The following SLC5A7 variants were observed in gnomAD, a reference collection of about 807,000 sequenced individuals.
The protein encoded by SLC5A7 is solute carrier family 5 member 7.
In SLC5A7, 19 loss-of-function variants were observed where a neutral mutation model predicts 55.4. The observed-to-expected ratio is 0.34, with a 90% CI of 0.24 to 0.50. The LOEUF is 0.50. SLC5A7 is among the 20% of genes least tolerant of loss of function. The pLI is 0.98. For missense variants in SLC5A7, 506 were observed against 705.3 expected (o/e 0.72, Z 3.20); for synonymous variants, 265 against 263.7 (o/e 1.00, Z -0.05).
At chr2:108,005,070 C>T (rs879793256) in intron 6 of SLC5A7, among the ~76,000 whole-genome samples, 10 of 152,136 alleles carry the variant, frequency 6.6e-5, no homozygotes, top group Admixed American at 3.3e-4. Context: ...TCTGTACTAA[C>T]GTATGATGTA....
intron 1 of SLC5A7, among the ~76,000 whole-genome samples, chr2:107,987,242 G>A (rs1225350182): frequency 6.6e-6 from 1 of 152,144 alleles, no homozygotes; most frequent in East Asian, 1.9e-4. Flanking sequence ...AAAAATAAAA[G>A]GGGACAAGAA....
rs1182720115 is a variant in SLC5A7, at chr2:108,012,532, G to A, written c.*1671G>A. ...TCATTAAACATGAATTTAATGTCTA[G>A]GATAATTTTTAAAAGAGGAAATTAA... On this transcript the variant is annotated 3_prime_UTR_variant, in exon 9 of 9. Transcript: ENST00000264047. The A allele has an allele frequency of 6.6e-6, 1 of 151,882 alleles. No individual in the cohort carries two copies. The highest frequency in any genetic ancestry group is 2.4e-5 in the African/African-American group (1 of 41,348). The allele number at this position is 151,882 out of a possible 1,614,324, so 9.4% of individuals were successfully genotyped here.
intron 1 of SLC5A7, 73 bp downstream of exon 1, chr2:107,986,836 C>A (rs985624141): frequency 6.6e-6 from 1 of 151,962 alleles, no homozygotes; most frequent in African/African-American, 2.4e-5. Context: ...CGAGCCCGGG[C>A]GGTTTTAGAG....
At chr2:107,993,186 C>T in intron 4 of SLC5A7, 59 bp downstream of exon 4, 1 of 1,586,640 alleles carries the variant, frequency 6.3e-7, no homozygotes, top group Non-Finnish European at 8.6e-7. Flanking sequence ...ATCAGATACA[C>T]AACCTTACTT....
rs1684080 is a variant in SLC5A7, at chr2:108,003,340, T to G, written c.741+1300T>G. 8.3e-3 allele frequency among the ~76,000 whole-genome samples: 1,259 copies of G among 152,346 alleles called. 20 individuals are homozygous for G. The highest frequency in any genetic ancestry group is 0.029 in the African/African-American group (1,212 of 41,578). ...ATTAAGACCTCAAAGTCCTTTCCCC[T>G]ACAGCACACTTTAGTCTTCAGACTA... On this transcript the variant is annotated intron_variant, in intron 6 of 8. Coordinates refer to ENST00000264047, the MANE Select transcript of SLC5A7 (RefSeq NM_021815.5).
chr2:107,993,881 C>A (rs539703652), intron 4 of SLC5A7, among the ~76,000 whole-genome samples: 10 of 152,300 alleles, frequency 6.6e-5, no homozygotes, highest in African/African-American at 1.2e-4. Context: ...AAACTACAAA[C>A]TTGAAATATT....
At chr2:108,004,952 C>T (rs1357973732) in intron 6 of SLC5A7, among the ~76,000 whole-genome samples, 1 of 152,138 alleles carries the variant, frequency 6.6e-6, no homozygotes, top group African/African-American at 2.4e-5. Context: ...CTCTTTATAT[C>T]ATGCAACAAA....
At position 108,010,392 on chromosome 2, in the gene SLC5A7, T is replaced by C. The variant is rs2104383051; in HGVS notation, c.1274T>C (p.Leu425Pro). ...IVIFPQLLCV[L>P]FVKGTNTYGA... ...ATCTTCCCCCAGCTGCTTTGTGTAC[T>C]CTTTGTTAAGGGAACCAACACCTAT... The change falls in exon 9 of 9, where the codon CTC becomes CCC. Residue 425 changes from leucine (L) to proline (P), a missense_variant. Leu to Pro is a moderately conservative substitution (Grantham distance 98). Transcript: ENST00000264047. The C allele has an allele frequency of 6.2e-7, 1 of 1,613,972 alleles. No homozygotes were observed.
At position 107,994,120 on chromosome 2, in the gene SLC5A7, C is replaced by T. The variant is rs567244444; in HGVS notation, c.448+993C>T. ...TTGAGACTGTTGGACCTGACTGAGG[C>T]TGTTGAGGCAGCTGGGAGATGGAAG... On this transcript the variant is annotated intron_variant, in intron 4 of 8. Coordinates refer to ENST00000264047, the MANE Select transcript of SLC5A7 (RefSeq NM_021815.5). Among the ~76,000 whole-genome samples, 5 of 152,290 alleles carry T rather than the reference C, an allele frequency of 3.3e-5. No individual in the cohort carries two copies. The South Asian group carries it at 6.2e-4, about 19-fold the overall frequency.
intron 5 of SLC5A7, 54 bp from the exon 6 acceptor site, chr2:108,001,843 T>C: frequency 1.9e-6 from 3 of 1,599,846 alleles, no homozygotes; most frequent in Non-Finnish European, 2.6e-6. Flanking sequence ...ATCTTGCATA[T>C]ATCAGACAGT....
chr2:107,996,684 G>A (rs1677683736), intron 4 of SLC5A7, among the ~76,000 whole-genome samples: 1 of 152,164 alleles, frequency 6.6e-6, no homozygotes, highest in Admixed American at 6.5e-5. Flanking sequence ...AAGAACCACA[G>A]CGGCCCAAAC....
chr2:108,003,676 G>A (rs986552343), intron 6 of SLC5A7, among the ~76,000 whole-genome samples: 3 of 152,006 alleles, frequency 2.0e-5, no homozygotes, highest in Non-Finnish European at 2.9e-5. Context: ...TCTCTATTAG[G>A]TAGACTGCAT....
chr2:107,997,812 C>T (rs747615033), intron 4 of SLC5A7, 26 bp from the exon 5 acceptor site: 2 of 1,587,578 alleles, frequency 1.3e-6, no homozygotes, highest in East Asian at 2.3e-5. Context: ...GGCACCTTGA[C>T]CACAGAACTC....
At chr2:108,007,367 C>T (rs906379375) in intron 7 of SLC5A7, among the ~76,000 whole-genome samples, 2 of 151,614 alleles carry the variant, frequency 1.3e-5, no homozygotes, top group Admixed American at 1.3e-4. Flanking sequence ...AGGAGACAGA[C>T]ACTTCAAAAA....
chr2:108,006,265 T>C, intron 7 of SLC5A7, 63 bp downstream of exon 7: 4 of 1,584,278 alleles, frequency 2.5e-6, no homozygotes, highest in Non-Finnish European at 3.5e-6. Flanking sequence ...CCAGACACCC[T>C]TCTGTCCCAC....
chr2:108,005,966 G>A, intron 6 of SLC5A7, 83 bp from the exon 7 acceptor site: 2 of 1,537,950 alleles, frequency 1.3e-6, no homozygotes, highest in Non-Finnish European at 1.8e-6. Context: ...TTGTACTTAG[G>A]CCTATTCTAA....
At chr2:108,006,352 C>T (rs1449071519) in intron 7 of SLC5A7, 150 bp downstream of exon 7, 7 of 479,588 alleles carry the variant, frequency 1.5e-5, no homozygotes, top group South Asian at 5.5e-5. Flanking sequence ...TTCAGTAAAT[C>T]GTATTATATA....
At chr2:108,002,104 G>A in intron 6 of SLC5A7, 64 bp downstream of exon 6, 2 of 1,559,524 alleles carry the variant, frequency 1.3e-6, no homozygotes, top group Non-Finnish European at 1.7e-6. Flanking sequence ...TTGTTTTCAC[G>A]ATTTTCATAT....
At chr2:107,996,887 T>C (rs1024789252) in intron 4 of SLC5A7, among the ~76,000 whole-genome samples, 6 of 152,250 alleles carry the variant, frequency 3.9e-5, no homozygotes, top group African/African-American at 1.4e-4. Context: ...TGGTATGTTC[T>C]ACCAATTAAA....
Sources: allele counts gnomAD v4.1 joint callset (sites outside exome capture counted in the v4.1 genomes callset), GRCh38; gene constraint gnomAD v4.1.1; transcripts MANE v1.5; gene names NCBI Gene and HGNC (gene_info 2026-07-23, HGNC 2026-07-21).